Variants in SYTL5 observed in about 807,000 individuals in gnomAD.
The protein encoded by SYTL5 is synaptotagmin like 5.
Under a neutral mutation model 55.9 loss-of-function variants are expected in SYTL5, and 34 were observed. That is an observed-to-expected ratio of 0.61 (90% CI 0.46 to 0.81). SYTL5 has a LOEUF of 0.81. Among genes scored for constraint, SYTL5 ranks in the 30% least tolerant of loss-of-function variants. The pLI is 0.00. For synonymous variants in SYTL5, 221 were observed against 188.7 expected (o/e 1.17, Z -1.40); for missense variants, 637 against 546.7 (o/e 1.17, Z -1.65).
At chrX:37,946,966 T>A in the SYTL5 span, among the ~76,000 whole-genome samples, 1 of 111,191 alleles carries the variant, frequency 9.0e-6, no homozygotes, top group Non-Finnish European at 1.9e-5. Context: ...TATGTAGGAA[T>A]ACATGGATAA....
chrX:38,102,305 A>G, intron 9 of SYTL5, 37 bp from the exon 10 acceptor site: 1 of 986,897 alleles, frequency 1.0e-6, no homozygotes, highest in Non-Finnish European at 1.4e-6. Flanking sequence ...AGAAAAACAA[A>G]TCAACCAACC....
the SYTL5 span, among the ~76,000 whole-genome samples, chrX:37,954,699 T>A: frequency 9.0e-6 from 1 of 111,625 alleles, no homozygotes; most frequent in Non-Finnish European, 1.9e-5. Context: ...AAAACTGATT[T>A]AATTGTGTTT....
the SYTL5 span, among the ~76,000 whole-genome samples, chrX:37,981,824 CT>C: frequency 1.8e-5 from 2 of 111,430 alleles, no homozygotes; most frequent in Non-Finnish European, 3.8e-5. Context: ...AAGTCTGCAC[CT>C]CATGAGGAGC....
chrX:37,904,229 TAAAAC>T, the SYTL5 span, among the ~76,000 whole-genome samples: 3 of 93,748 alleles, frequency 3.2e-5, no homozygotes, highest in African/African-American at 7.9e-5. Context: ...GATCCAATCT[TAAAAC>T]AAACAAAAAA....
Position 38,034,693 on chromosome X carries a change from C to T in SYTL5, c.119+685C>T, listed in dbSNP as rs141912863. ...AGAGCTCATATTTAGCTGGTTTCCCCGGCATGACTTCACCTAATATTTCAG... is the reference window on the plus strand; with the variant it reads ...AGAGCTCATATTTAGCTGGTTTCCCTGGCATGACTTCACCTAATATTTCAG... On this transcript the variant is annotated intron_variant, in intron 2 of 16. Coordinates refer to ENST00000297875, the MANE Select transcript of SYTL5 (RefSeq NM_138780.3). Among the ~76,000 whole-genome samples, 7 of 112,182 alleles carry T rather than the reference C, an allele frequency of 6.2e-5. No individual in the cohort carries two copies. In the East Asian group the frequency reaches 1.4e-3, roughly 22 times the overall value.
At chrX:37,962,554 A>G in the SYTL5 span, among the ~76,000 whole-genome samples, 30,250 of 109,154 alleles carry the variant, frequency 0.28, 3,671 homozygotes, top group East Asian at 0.58. Flanking sequence ...GTGTCTTTAT[A>G]GCAGCATGAT....
the SYTL5 span, among the ~76,000 whole-genome samples, chrX:37,892,702 A>G: frequency 1.3e-5 from 1 of 78,426 alleles, no homozygotes; most frequent in East Asian, 3.2e-4. Context: ...ATATACATAT[A>G]TTAGTATATA....
the SYTL5 span, among the ~76,000 whole-genome samples, chrX:37,998,033 G>A: frequency 4.5e-5 from 5 of 112,039 alleles, no homozygotes; most frequent in East Asian, 1.4e-3. Flanking sequence ...CTACAGAGAG[G>A]AGCTTCCCAC....
the SYTL5 span, among the ~76,000 whole-genome samples, chrX:37,903,416 T>C: frequency 1.1e-4 from 12 of 108,512 alleles, no homozygotes; most frequent in African/African-American, 4.0e-4. Context: ...TGGATGAAGC[T>C]GGAAACCATC....
intron 2 of SYTL5, among the ~76,000 whole-genome samples, chrX:38,044,925 A>G (rs1163875047): frequency 8.9e-6 from 1 of 111,982 alleles, no homozygotes; most frequent in South Asian, 3.7e-4. Flanking sequence ...CTATGATAAG[A>G]CTATAGTGAA....
At chrX:37,962,505 G>A in the SYTL5 span, among the ~76,000 whole-genome samples, 3 of 111,876 alleles carry the variant, frequency 2.7e-5, no homozygotes, top group Non-Finnish European at 5.6e-5. Context: ...CCAAGTCTTT[G>A]CTATTGTGAA....
At chrX:38,061,377 C>T (rs924051297) in intron 3 of SYTL5, among the ~76,000 whole-genome samples, 3 of 111,498 alleles carry the variant, frequency 2.7e-5, no homozygotes, top group South Asian at 3.8e-4. Context: ...GTTTTCAAAA[C>T]GGAAGCATAA....
At chrX:37,967,724 C>G in the SYTL5 span, among the ~76,000 whole-genome samples, 1 of 110,824 alleles carries the variant, frequency 9.0e-6, no homozygotes, top group Non-Finnish European at 1.9e-5. Flanking sequence ...TCATAAGTCT[C>G]TTAAGTTTTA....
At chrX:37,997,452 C>T in the SYTL5 span, among the ~76,000 whole-genome samples, 1 of 112,377 alleles carries the variant, frequency 8.9e-6, no homozygotes, top group African/African-American at 3.2e-5. Flanking sequence ...AATGTCTGCT[C>T]CCCCTGCTTG....
At position 38,034,009 on chromosome X, in the gene SYTL5, G is replaced by A. The variant is rs1256820751; in HGVS notation, c.119+1G>A. ...AAAAAGTGGAGGACAAGAGAATAAG[G>A]TAGTATTCTTTTTATTTTTTCAGTC... is the stretch of plus-strand genomic sequence containing the variant. On this transcript the variant is annotated splice_donor_variant, in intron 2 of 16. Coordinates refer to ENST00000297875, the MANE Select transcript of SYTL5 (RefSeq NM_138780.3). LOFTEE classifies it high-confidence loss of function. 9.3e-7 allele frequency: 1 copy of A among 1,079,899 alleles called. No homozygotes were observed. The highest frequency in any genetic ancestry group is 1.3e-6 in the Non-Finnish European group (1 of 791,914). The allele number at this position is 1,079,899 out of a possible 1,213,427, so 89.0% of individuals were successfully genotyped here.
At chrX:38,009,777 A>G (rs1252583346) in intron 1 of SYTL5, among the ~76,000 whole-genome samples, 10 of 111,531 alleles carry the variant, frequency 9.0e-5, no homozygotes, top group Non-Finnish European at 1.9e-4. Flanking sequence ...CCAAAGAGCC[A>G]GGTTTAAGTT....
chrX:37,995,930 G>A, the SYTL5 span, among the ~76,000 whole-genome samples: 1 of 112,407 alleles, frequency 8.9e-6, no homozygotes, highest in South Asian at 3.8e-4. Flanking sequence ...CATAGTAGGT[G>A]GGTGGCCCAT....
the SYTL5 span, among the ~76,000 whole-genome samples, chrX:37,897,213 G>A: frequency 2.9e-5 from 3 of 104,115 alleles, no homozygotes; most frequent in Non-Finnish European, 4.0e-5. Context: ...GGCCGGGTGC[G>A]GTGGCTCATG....
At chrX:37,984,203 G>T in the SYTL5 span, among the ~76,000 whole-genome samples, 1 of 111,567 alleles carries the variant, frequency 9.0e-6, no homozygotes, top group Non-Finnish European at 1.9e-5. Flanking sequence ...GGAACTAAAA[G>T]CTTGTTCTTG....
Sources: gnomAD v4.1 joint callset for allele counts (sites outside exome capture counted in the v4.1 genomes callset) on GRCh38, gnomAD v4.1.1 for gene constraint, MANE v1.5 for transcripts, NCBI Gene and HGNC (gene_info 2026-07-23, HGNC 2026-07-21) for gene names.